Variants in KIAA1217 observed in about 807,000 individuals in gnomAD.
KIAA1217 encodes the protein sickle tail protein homolog.
In KIAA1217, 88 loss-of-function variants were observed where a neutral mutation model predicts 163.9. The ratio of observed to expected loss-of-function variants is 0.54; its 90% CI spans 0.45 to 0.64. KIAA1217 has a LOEUF of 0.64. KIAA1217 is among the 30% of genes least tolerant of loss of function. The pLI, the probability that KIAA1217 is intolerant of heterozygous loss-of-function variation, is 0.00. For missense variants in KIAA1217, 2,372 were observed against 2,475.0 expected (o/e 0.96, Z 0.88); for synonymous variants, 903 against 923.1 (o/e 0.98, Z 0.39).
intron 1 of KIAA1217, among the ~76,000 whole-genome samples, chr10:23,713,647 G>C (rs1443665208): frequency 6.6e-6 from 1 of 152,030 alleles, no homozygotes; most frequent in Non-Finnish European, 1.5e-5. Context: ...GATTTGAATG[G>C]TGATATTAAT....
chr10:24,266,829 C>G (rs1191330554), intron 2 of KIAA1217, among the ~76,000 whole-genome samples: 1 of 152,194 alleles, frequency 6.6e-6, no homozygotes, highest in South Asian at 2.1e-4. Context: ...GCAACCCGCT[C>G]GGTCCCCTTC....
chr10:24,500,566 C>G (rs2067444445), intron 8 of KIAA1217, among the ~76,000 whole-genome samples: 1 of 152,050 alleles, frequency 6.6e-6, no homozygotes, highest in African/African-American at 2.4e-5. Context: ...TGCCCTCTTT[C>G]TTTTCATTTT....
intron 2 of KIAA1217, among the ~76,000 whole-genome samples, chr10:24,252,974 G>A (rs928106344): frequency 1.3e-5 from 2 of 148,598 alleles, no homozygotes; most frequent in African/African-American, 5.0e-5. Context: ...GTAATATAGC[G>A]AGACCCCGCC....
rs1325398864 is a variant in KIAA1217 at position 24,531,971 on chromosome 10, G to A, written c.3224G>A (p.Arg1075Lys). The A allele has an allele frequency of 4.4e-6, 7 of 1,581,270 alleles. 1 individual carries two copies. Among genetic ancestry groups the A allele is most frequent in the Admixed American group, 3.5e-5 (2 of 57,324 alleles). Residue 1075 changes from arginine to lysine, a missense_variant, in exon 15 of 21, where the codon AGA becomes AAA. By Grantham distance (26) the Arg-to-Lys change is conservative. Coordinates refer to ENST00000376454, the MANE Select transcript of KIAA1217 (RefSeq NM_019590.5). ...TCAGGCGATGTGGTCTACACCGGCAGAAAGGAGAACATCACCGCTAAGGTC... is the reference window on the plus strand; with the variant it reads ...TCAGGCGATGTGGTCTACACCGGCAAAAAGGAGAACATCACCGCTAAGGTC... The part of the protein sequence containing the change: ...TRSGDVVYTG[R>K]KENITAKASS...
At chr10:24,251,184 C>T (rs2074463932) in intron 2 of KIAA1217, among the ~76,000 whole-genome samples, 1 of 151,940 alleles carries the variant, frequency 6.6e-6, no homozygotes, top group South Asian at 2.1e-4. Context: ...CGAGATCACA[C>T]CACTGCACTC....
chr10:23,969,818 C>G (rs1845229697), intron 1 of KIAA1217, among the ~76,000 whole-genome samples: 1 of 152,154 alleles, frequency 6.6e-6, no homozygotes, highest in Non-Finnish European at 1.5e-5. Context: ...TATTTTCATG[C>G]TGCTGATAAA....
intron 2 of KIAA1217, among the ~76,000 whole-genome samples, chr10:24,147,156 G>T (rs2064359936): frequency 6.6e-6 from 1 of 152,080 alleles, no homozygotes; most frequent in South Asian, 2.1e-4. Context: ...TCTGCTGGTT[G>T]ATAAATACAG....
intron 1 of KIAA1217, among the ~76,000 whole-genome samples, chr10:23,874,183 A>C (rs896394536): frequency 6.6e-6 from 1 of 152,042 alleles, no homozygotes; most frequent in Non-Finnish European, 1.5e-5. Context: ...TCCAGCCCAC[A>C]GCTCCTACTA....
chr10:24,460,585 G>C (rs2062301811), intron 5 of KIAA1217, among the ~76,000 whole-genome samples: 1 of 152,064 alleles, frequency 6.6e-6, no homozygotes, highest in African/African-American at 2.4e-5. Context: ...TTGACACATG[G>C]GCTGATGTTG....
rs200437343 is a variant in KIAA1217, at chr10:23,993,553, C to CTTTTT, written c.-320-13656_-320-13652dup. Among the ~76,000 whole-genome samples the CTTTTT allele has an allele frequency of 9.5e-3, 657 of 68,914 alleles. 193 individuals carry two copies. The highest frequency in any genetic ancestry group is 0.05 in the African/African-American group (602 of 11,956). 45.2% of individuals were successfully genotyped at this position (68,914 alleles called of 152,430 possible). A position where few individuals can be genotyped will look rare whatever the true frequency, so the allele number is the denominator to read the frequency against. ...AAGAGTTTGGCTCTCCATAGCCCAG[C>CTTTTT]TTTTTTTTTTTTTTTTTTTTGAGAC... On this transcript the variant is annotated intron_variant, in intron 1 of 18. Coordinates refer to the KIAA1217 transcript ENST00000376462.
At chr10:23,977,205 C>A (rs892970892) in intron 1 of KIAA1217, among the ~76,000 whole-genome samples, 1 of 152,182 alleles carries the variant, frequency 6.6e-6, no homozygotes, top group South Asian at 2.1e-4. Context: ...AGAAGCACAT[C>A]TTGAAGTTAT....
chr10:24,523,017 G>C (rs1195479242), intron 12 of KIAA1217, among the ~76,000 whole-genome samples: 1 of 151,802 alleles, frequency 6.6e-6, no homozygotes, highest in East Asian at 1.9e-4. Context: ...ACTGGGTGCA[G>C]TGGCACGTGC....
intron 1 of KIAA1217, among the ~76,000 whole-genome samples, chr10:23,813,592 A>G (rs985218309): frequency 5.9e-5 from 9 of 152,296 alleles, no homozygotes; most frequent in East Asian, 1.9e-4. Context: ...CTACTATGTA[A>G]TTTATGTACC....
chr10:24,137,926 A>AT (rs1200215443), intron 2 of KIAA1217, among the ~76,000 whole-genome samples: 3 of 152,136 alleles, frequency 2.0e-5, no homozygotes, highest in Non-Finnish European at 4.4e-5. Flanking sequence ...TTGTTGGGAT[A>AT]TTTTTTGTTG....
At chr10:24,127,080 A>AAAAAGG (rs1276690939) in intron 2 of KIAA1217, among the ~76,000 whole-genome samples, 2 of 152,210 alleles carry the variant, frequency 1.3e-5, no homozygotes, top group African/African-American at 4.8e-5. Flanking sequence ...TAAGAAAAAG[A>AAAAAGG]AAAAGCAGAA....
chr10:24,055,749 T>C (rs539190088), intron 2 of KIAA1217, among the ~76,000 whole-genome samples: 2 of 152,062 alleles, frequency 1.3e-5, no homozygotes, highest in African/African-American at 4.8e-5. Flanking sequence ...TTTTTAGAGA[T>C]TTGTGAAGAA....
chr10:24,122,358 G>A (rs924460705), intron 2 of KIAA1217, among the ~76,000 whole-genome samples: 5 of 151,960 alleles, frequency 3.3e-5, no homozygotes, highest in African/African-American at 4.8e-5. Context: ...TAGTATTCCC[G>A]GGTGTATATG....
chr10:24,021,011 A>G lies in KIAA1217; in HGVS notation c.-171+13637A>G, dbSNP rs191360574. ...ATAGTCGTCAATGAAGCTAATTTAC[A>G]GAGTCAGCCAGGATGTTAAATTTAG... On this transcript the variant is annotated intron_variant, in intron 2 of 18. Transcript: ENST00000376462. Among the ~76,000 whole-genome samples, 414 of 152,164 alleles carry G rather than the reference A, an allele frequency of 2.7e-3. 3 individuals are homozygous for G. The highest frequency in any genetic ancestry group is 9.6e-3 in the African/African-American group (398 of 41,558).
At chr10:24,215,669 A>G (rs980159772) in intron 1 of KIAA1217, among the ~76,000 whole-genome samples, 1 of 152,230 alleles carries the variant, frequency 6.6e-6, no homozygotes, top group African/African-American at 2.4e-5. Context: ...CTGGAATGGC[A>G]GAGTTGTTGC....
Sources: allele counts gnomAD v4.1 joint callset (sites outside exome capture counted in the v4.1 genomes callset), GRCh38; gene constraint gnomAD v4.1.1; transcripts MANE v1.5; gene names NCBI Gene and HGNC (gene_info 2026-07-23, HGNC 2026-07-21).